CCSER1: variants seen among roughly 807,000 people sequenced by gnomAD.
CCSER1 encodes the protein coiled-coil serine rich protein 1.
Under a neutral mutation model 82.0 loss-of-function variants are expected in CCSER1, and 41 were observed. That is an observed-to-expected ratio of 0.50 (90% confidence interval 0.39 to 0.65). The LOEUF is 0.65. Among genes scored for constraint, CCSER1 ranks in the 30% least tolerant of loss-of-function variants. CCSER1 has a pLI of 0.00. For synonymous variants in CCSER1, 414 were observed against 383.9 expected (o/e 1.08, Z -0.92); for missense variants, 1,119 against 1,064.2 (o/e 1.05, Z -0.72).
chr4:91,146,370 C>T (rs1729537522), intron 10 of CCSER1, among the ~76,000 whole-genome samples: 1 of 152,060 alleles, frequency 6.6e-6, no homozygotes, highest in African/African-American at 2.4e-5. Flanking sequence ...TCAACATTCT[C>T]TTGAATCTTG....
At chr4:91,491,034 A>G (rs565148990) in intron 10 of CCSER1, among the ~76,000 whole-genome samples, 50 of 149,108 alleles carry the variant, frequency 3.4e-4, no homozygotes, top group African/African-American at 1.2e-3. Flanking sequence ...ATCTAATTTA[A>G]ATTATTATTC....
chr4:90,795,173 A>C (rs189641860), intron 7 of CCSER1, among the ~76,000 whole-genome samples: 1 of 151,788 alleles, frequency 6.6e-6, no homozygotes, highest in African/African-American at 2.4e-5. Flanking sequence ...TGTAATCCCA[A>C]CTACTCGGGA....
intron 10 of CCSER1, among the ~76,000 whole-genome samples, chr4:91,479,530 T>G (rs2110038318): frequency 6.6e-6 from 1 of 151,656 alleles, no homozygotes; most frequent in Admixed American, 6.6e-5. Context: ...TAATGAAAGG[T>G]AAATCAAATC....
At chr4:90,378,303 T>C (rs540211504) in intron 3 of CCSER1, among the ~76,000 whole-genome samples, 1 of 152,296 alleles carries the variant, frequency 6.6e-6, no homozygotes, top group South Asian at 2.1e-4. Context: ...TTTATAGTTT[T>C]CTGTCAGAAT....
At chr4:90,146,132 G>C (rs1173020917) in intron 1 of CCSER1, among the ~76,000 whole-genome samples, 1 of 152,058 alleles carries the variant, frequency 6.6e-6, no homozygotes, top group Non-Finnish European at 1.5e-5. Context: ...GAACAAGTGA[G>C]ATAAGTACTG....
chr4:90,809,849 G>A (rs1245910787), intron 7 of CCSER1, among the ~76,000 whole-genome samples: 1 of 152,022 alleles, frequency 6.6e-6, no homozygotes, highest in Non-Finnish European at 1.5e-5. Context: ...CCTTGATTGA[G>A]CCATTGCACT....
At chr4:90,542,967 T>C (rs1485329942) in intron 5 of CCSER1, among the ~76,000 whole-genome samples, 1 of 152,166 alleles carries the variant, frequency 6.6e-6, no homozygotes, top group African/African-American at 2.4e-5. Flanking sequence ...TTATACATAT[T>C]CACATTTAAT....
At chr4:91,269,610 C>T (rs1049902885) in intron 10 of CCSER1, among the ~76,000 whole-genome samples, 3 of 152,056 alleles carry the variant, frequency 2.0e-5, no homozygotes, top group African/African-American at 7.2e-5. Context: ...CCTACATTTC[C>T]ACATGTATAT....
intron 6 of CCSER1, among the ~76,000 whole-genome samples, chr4:90,717,060 G>A (rs886829248): frequency 2.0e-5 from 3 of 152,108 alleles, no homozygotes; most frequent in African/African-American, 7.2e-5. Context: ...ATGACCTCTG[G>A]TGTGTTAGCT....
At chr4:90,232,087 A>T (rs1348753966) in intron 1 of CCSER1, among the ~76,000 whole-genome samples, 1 of 152,206 alleles carries the variant, frequency 6.6e-6, no homozygotes, top group Non-Finnish European at 1.5e-5. Context: ...CCATCAAGCT[A>T]CCACTGACTT....
At chr4:91,250,592 G>A (rs911820716) in intron 10 of CCSER1, among the ~76,000 whole-genome samples, 1 of 151,184 alleles carries the variant, frequency 6.6e-6, no homozygotes, top group Admixed American at 6.6e-5. Flanking sequence ...TATTTGTATT[G>A]TATAGTGTGG....
rs1250749174 is a variant in CCSER1 at position 90,258,557 on chromosome 4, CAAAG to C, written c.-41-49684_-41-49681del. 7.2e-5 allele frequency among the ~76,000 whole-genome samples: 11 copies of C among 152,030 alleles called. No homozygotes were observed. In the East Asian group the frequency reaches 2.1e-3, roughly 29 times the overall value. ...CAAAGTGAAATATGTGTAAGAAACT[CAAAG>C]AATATTTTAAGAGAGTATAATAATG... On this transcript the variant is annotated intron_variant, in intron 1 of 10. Transcript: ENST00000509176.
Position 91,598,859 on chromosome 4 carries a change from G to A in CCSER1, c.2505G>A (p.Lys835=), listed in dbSNP as rs762674361. Residue 835 remains lysine, a synonymous_variant, in exon 11 of 11, where the codon AAG becomes AAA. Coordinates refer to ENST00000509176, the MANE Select transcript of CCSER1 (RefSeq NM_001145065.2). The stretch of plus-strand genomic sequence containing the variant: ...AGAGCTCTCTGAAGCCAACAGCTAA[G>A]ACAGAAGGGCTCTCCACGTTCTTAG... ...VGQSSLKPTA[K]TEGLSTFLEK... is the part of the protein sequence containing the mutation. 4.5e-6 allele frequency: 7 copies of A among 1,551,636 alleles called. No homozygotes were observed. The Admixed American group carries it at 1.4e-4, about 30-fold the overall frequency.
intron 1 of CCSER1, among the ~76,000 whole-genome samples, chr4:90,139,793 C>G (rs898406366): frequency 2.0e-5 from 3 of 151,840 alleles, no homozygotes; most frequent in African/African-American, 7.3e-5. Context: ...CTCTACTAAA[C>G]AAACAAACAA....
At chr4:91,381,222 G>A (rs921823039) in intron 10 of CCSER1, among the ~76,000 whole-genome samples, 1 of 152,086 alleles carries the variant, frequency 6.6e-6, no homozygotes, top group Non-Finnish European at 1.5e-5. Flanking sequence ...ACAATTATGT[G>A]TCTTGGGGTT....
chr4:91,080,816 G>T (rs1412166702), intron 9 of CCSER1, among the ~76,000 whole-genome samples: 2 of 152,150 alleles, frequency 1.3e-5, no homozygotes, highest in African/African-American at 4.8e-5. Context: ...AGAAAATCTA[G>T]AAGAAATGGA....
intron 10 of CCSER1, among the ~76,000 whole-genome samples, chr4:91,426,884 A>T (rs1461591522): frequency 6.6e-6 from 1 of 152,172 alleles, no homozygotes; most frequent in Admixed American, 6.6e-5. Flanking sequence ...GAACCCTATG[A>T]GTCAGACACT....
At chr4:91,399,106 T>A (rs887007050) in intron 10 of CCSER1, among the ~76,000 whole-genome samples, 3 of 151,818 alleles carry the variant, frequency 2.0e-5, no homozygotes, top group Admixed American at 1.3e-4. Context: ...CAAAAAGTAA[T>A]ACTCATGGAA....
At position 91,598,821 on chromosome 4, in the gene CCSER1, G is replaced by A. The variant is rs199543790; in HGVS notation, c.2467G>A (p.Ala823Thr). The A allele has an allele frequency of 3.7e-4, 572 of 1,551,550 alleles. 2 individuals are homozygous for A. Among genetic ancestry groups the A allele is most frequent in the South Asian group, 1.2e-3 (103 of 84,062 alleles). The change falls in exon 11 of 11, where the codon GCC becomes ACC. Residue 823 changes from alanine (A) to threonine (T), a missense_variant. Physicochemically the swap from Ala to Thr is moderately conservative, Grantham distance 58 (BLOSUM62 0). Coordinates refer to ENST00000509176, the MANE Select transcript of CCSER1 (RefSeq NM_001145065.2). ...TTCAGACGTTACACAGAACTTACGG[G>A]CCACCGTTGGGCAGAGCTCTCTGAA... ...LTSDVTQNLR[A>T]TVGQSSLKPT...
Sources: allele counts gnomAD v4.1 joint callset (sites outside exome capture counted in the v4.1 genomes callset), GRCh38; gene constraint gnomAD v4.1.1; transcripts MANE v1.5; gene names NCBI Gene and HGNC (gene_info 2026-07-23, HGNC 2026-07-21).